The following GRM1 variants were observed in gnomAD, a reference collection of about 807,000 sequenced individuals.
The protein encoded by GRM1 is metabotropic glutamate receptor 1.
In GRM1, 33 loss-of-function variants were observed where a neutral mutation model predicts 90.9. That is an observed-to-expected ratio of 0.36 (90% CI 0.28 to 0.49). GRM1 has a LOEUF of 0.49. Ranked by LOEUF, GRM1 falls within the 20% of genes least tolerant of loss-of-function variation. The pLI, the probability that GRM1 is intolerant of heterozygous loss-of-function variation, is 0.99. For synonymous variants in GRM1, 700 were observed against 613.2 expected (o/e 1.14, Z -2.09); for missense variants, 1,190 against 1,534.3 (o/e 0.78, Z 3.75).
At chr6:146,283,470 A>G (rs1782652961) in intron 2 of GRM1, among the ~76,000 whole-genome samples, 1 of 152,214 alleles carries the variant, frequency 6.6e-6, no homozygotes, top group South Asian at 2.1e-4. Flanking sequence ...TCTGCAAGAA[A>G]CAAAGCAAGT....
chr6:146,206,440 A>G (rs1334863167), intron 2 of GRM1, among the ~76,000 whole-genome samples: 1 of 151,954 alleles, frequency 6.6e-6, no homozygotes, highest in African/African-American at 2.4e-5. Context: ...AGTTATGCCT[A>G]TTTATTATTA....
chr6:146,221,278 G>T (rs1043127255), intron 2 of GRM1, among the ~76,000 whole-genome samples: 5 of 152,034 alleles, frequency 3.3e-5, no homozygotes. Flanking sequence ...TTCCATGGTG[G>T]TTTGCTGCAC....
At chr6:146,261,392 CT>C (rs1781690965) in intron 2 of GRM1, among the ~76,000 whole-genome samples, 1 of 152,008 alleles carries the variant, frequency 6.6e-6, no homozygotes, top group Non-Finnish European at 1.5e-5. Flanking sequence ...ATCTTCTAAT[CT>C]GGAGCATAGA....
chr6:146,219,580 G>T (rs1779986004), intron 2 of GRM1, among the ~76,000 whole-genome samples: 2 of 151,756 alleles, frequency 1.3e-5, no homozygotes. Flanking sequence ...AGGAAATATT[G>T]GTATGTAAGA....
chr6:146,091,527 CATAA>C lies in GRM1; in HGVS notation c.700+61316_700+61319del, dbSNP rs1175487953. Among the ~76,000 whole-genome samples, 10 of 152,074 alleles carry C rather than the reference CATAA, an allele frequency of 6.6e-5. No individual in the cohort carries two copies. The East Asian group carries it at 1.9e-3, about 30-fold the overall frequency. ...AGTGGCATTTTAGACAGAAGAACAA[CATAA>C]ATAAAGGGAGAGCCATAAAATTGCC... On this transcript the variant is annotated intron_variant, in intron 1 of 7. Coordinates refer to ENST00000282753, the MANE Select transcript of GRM1 (RefSeq NM_001278064.2).
At chr6:146,180,144 A>G (rs9497473) in intron 2 of GRM1, among the ~76,000 whole-genome samples, 16,724 of 151,418 alleles carry the variant, frequency 0.11, 1,870 homozygotes, top group African/African-American at 0.28. Flanking sequence ...AAAACAAACC[A>G]AAAAAACCAA....
At chr6:146,293,074 C>T (rs985592132) in intron 2 of GRM1, among the ~76,000 whole-genome samples, 1 of 151,788 alleles carries the variant, frequency 6.6e-6, no homozygotes, top group African/African-American at 2.4e-5. Flanking sequence ...ATAGGTAAAT[C>T]TATAGAGATA....
At chr6:146,232,818 A>G (rs1780493827) in intron 2 of GRM1, among the ~76,000 whole-genome samples, 1 of 152,046 alleles carries the variant, frequency 6.6e-6, no homozygotes, top group African/African-American at 2.4e-5. Flanking sequence ...TGGGACTCCA[A>G]CATATGAATT....
intron 2 of GRM1, among the ~76,000 whole-genome samples, chr6:146,276,194 G>A (rs9485069): frequency 0.043 from 6,515 of 152,062 alleles, 448 homozygotes; most frequent in African/African-American, 0.15. Context: ...GGTTATTACC[G>A]GGTACCACCA....
intron 2 of GRM1, among the ~76,000 whole-genome samples, chr6:146,236,676 C>T (rs1025057346): frequency 1.3e-5 from 2 of 152,058 alleles, no homozygotes; most frequent in East Asian, 1.9e-4. Context: ...TGTTCCCTTC[C>T]CTCAACATCA....
rs1392704000 is a variant in GRM1 at position 146,434,128 on chromosome 6, A to G, written c.2917A>G (p.Ser973Gly). Residue 973 changes from serine (S) to glycine (G), a missense_variant, in exon 8 of 8, where the codon AGC (serine) becomes GGC (glycine). This residue lies in a region of GRM1 where 400 missense variants were observed against 360.8 expected (regional missense o/e 1.11). Transcript: ENST00000282753. ...GCCGATTCGCTTTAGCCCGCCTGGTAGCCCTTCCATGGTGGTGCACAGGCG... is the reference window on the plus strand; with the variant it reads ...GCCGATTCGCTTTAGCCCGCCTGGTGGCCCTTCCATGGTGGTGCACAGGCG... The part of the protein sequence containing the change: ...AQPIRFSPPG[S>G]PSMVVHRRVP... 1.2e-6 allele frequency: 2 copies of G among 1,614,142 alleles called. No homozygotes were observed. The highest frequency in any genetic ancestry group is 1.1e-5 in the South Asian group (1 of 91,084).
rs1331638 is a variant in GRM1, at chr6:146,115,000, G to T, written c.701-44348G>T. 1.5e-3 allele frequency among the ~76,000 whole-genome samples: 221 copies of T among 151,686 alleles called. 1 individual carries two copies. The highest frequency in any genetic ancestry group is 5.2e-3 in the African/African-American group (214 of 41,336). ...CATGAAAATTCTTTCAAACAACCCA[G>T]AAAATCTACACTTTCAGATACTAAG... On this transcript the variant is annotated intron_variant, in intron 1 of 7. Transcript: ENST00000282753.
chr6:146,271,863 G>C (rs1213821006), intron 2 of GRM1, among the ~76,000 whole-genome samples: 1 of 152,184 alleles, frequency 6.6e-6, no homozygotes, highest in African/African-American at 2.4e-5. Flanking sequence ...TCAATGGTCA[G>C]ATCAAACATA....
Position 146,434,488 on chromosome 6 carries a change from C to A in GRM1, c.3277C>A (p.Pro1093Thr). The change falls in exon 8 of 8, where the codon CCC (proline) becomes ACC (threonine). Residue 1093 changes from proline (P) to threonine (T), a missense_variant. Around this residue, in one of 10 missense-constraint regions of GRM1, gnomAD observed 400 missense variants for 360.8 expected, o/e 1.11. Coordinates refer to ENST00000282753, the MANE Select transcript of GRM1 (RefSeq NM_001278064.2). ...CTTTGGGGAGGAGCTGGTCTCCCCG[C>A]CCGCGGACGACGACGACGACAGCGA... is the stretch of plus-strand genomic sequence containing the variant. ...STFGEELVSP[P>T]ADDDDDSERF... is the part of the protein sequence containing the mutation. The A allele has an allele frequency of 6.2e-7, 1 of 1,614,066 alleles. No homozygotes were observed. Among genetic ancestry groups the A allele is most frequent in the Non-Finnish European group, 8.5e-7 (1 of 1,180,012 alleles).
At chr6:146,253,622 T>C (rs1030923769) in intron 2 of GRM1, among the ~76,000 whole-genome samples, 5 of 152,150 alleles carry the variant, frequency 3.3e-5, no homozygotes, top group African/African-American at 1.2e-4. Flanking sequence ...AATGAAAAGA[T>C]CAGCAGAACA....
At chr6:146,433,643 T>C (rs1309899249) in intron 7 of GRM1, among the ~76,000 whole-genome samples, 2 of 152,072 alleles carry the variant, frequency 1.3e-5, no homozygotes, top group Non-Finnish European at 2.9e-5. Context: ...TGAAAATAGC[T>C]ATTTCTACAA....
At chr6:146,349,521 G>A (rs1465811651) in intron 3 of GRM1, among the ~76,000 whole-genome samples, 3 of 151,906 alleles carry the variant, frequency 2.0e-5, no homozygotes, top group Non-Finnish European at 4.4e-5. Context: ...CTAACCAATC[G>A]ACATGATACT....
At chr6:146,090,732 G>A (rs1776689268) in intron 1 of GRM1, among the ~76,000 whole-genome samples, 1 of 152,004 alleles carries the variant, frequency 6.6e-6, no homozygotes, top group Non-Finnish European at 1.5e-5. Flanking sequence ...AAAAGCCACA[G>A]AAATCCAATG....
At chr6:146,270,532 G>C (rs2114820010) in intron 2 of GRM1, among the ~76,000 whole-genome samples, 1 of 152,208 alleles carries the variant, frequency 6.6e-6, no homozygotes, top group Admixed American at 6.5e-5. Context: ...ATCACCAAAG[G>C]ATGAGTTGTG....
Sources: allele counts gnomAD v4.1 joint callset (sites outside exome capture counted in the v4.1 genomes callset), GRCh38; gene constraint gnomAD v4.1.1; regional missense constraint gnomAD v4.1.1; transcripts MANE v1.5; gene names NCBI Gene and HGNC (gene_info 2026-07-23, HGNC 2026-07-21).